LRCH1: variants seen among roughly 807,000 people sequenced by gnomAD.
LRCH1 encodes leucine rich repeats and calponin homology domain containing 1.
In LRCH1, 23 loss-of-function variants were observed where a neutral mutation model predicts 94.9. That is an observed-to-expected ratio of 0.24 (90% CI 0.17 to 0.34). The LOEUF (loss-of-function observed/expected upper bound fraction) is 0.34. Ranked by LOEUF, LRCH1 falls within the 10% of genes least tolerant of loss-of-function variation. The pLI, the probability that LRCH1 is intolerant of heterozygous loss-of-function variation, is 1.00. For missense variants in LRCH1, 790 were observed against 945.9 expected (o/e 0.84, Z 2.16); for synonymous variants, 364 against 354.9 (o/e 1.03, Z -0.29).
intron 5 of LRCH1, among the ~76,000 whole-genome samples, chr13:46,687,283 C>T (rs1258316580): frequency 6.6e-6 from 1 of 152,120 alleles, no homozygotes; most frequent in African/African-American, 2.4e-5. Context: ...TGAATGTTAG[C>T]TGGAAAATGG....
chr13:46,584,292 G>A (rs2050406522), intron 1 of LRCH1, among the ~76,000 whole-genome samples: 1 of 152,142 alleles, frequency 6.6e-6, no homozygotes, highest in South Asian at 2.1e-4. Flanking sequence ...TTTCACATGT[G>A]ATTTGAGAGC....
At chr13:46,752,562 T>G (rs1294640636) in exon 19 of LRCH1, 1 of 152,212 alleles carries the variant, frequency 6.6e-6, no homozygotes, top group Non-Finnish European at 1.5e-5. Flanking sequence ...AATACCTGTT[T>G]TGTCAAATAG....
chr13:46,644,706 C>G (rs2051199717), intron 1 of LRCH1, among the ~76,000 whole-genome samples: 1 of 152,310 alleles, frequency 6.6e-6, no homozygotes, highest in Middle Eastern at 3.4e-3. Context: ...TGAATTCTCA[C>G]TAACTCAGTG....
At chr13:46,732,073 CAA>C (rs1172503219) in intron 18 of LRCH1, among the ~76,000 whole-genome samples, 1 of 148,270 alleles carries the variant, frequency 6.7e-6, no homozygotes, top group Non-Finnish European at 1.5e-5. Context: ...TCTTTAGCAT[CAA>C]GTTTAGTATC....
At chr13:46,700,468 T>C (rs1871405268) in intron 10 of LRCH1, among the ~76,000 whole-genome samples, 1 of 152,170 alleles carries the variant, frequency 6.6e-6, no homozygotes, top group Non-Finnish European at 1.5e-5. Flanking sequence ...CAGAGAATCA[T>C]AGGGAAAGAG....
intron 17 of LRCH1, 28 bp downstream of exon 17, chr13:46,723,358 G>A: frequency 6.9e-7 from 1 of 1,446,880 alleles, no homozygotes; most frequent in Non-Finnish European, 9.7e-7. Context: ...TGTAACTAAA[G>A]GAGAATTTAA....
intron 16 of LRCH1, among the ~76,000 whole-genome samples, chr13:46,717,849 C>G (rs781033226): frequency 2.0e-5 from 3 of 151,718 alleles, no homozygotes; most frequent in Non-Finnish European, 4.4e-5. Flanking sequence ...TTTTAAATTC[C>G]CCATTTCTCT....
chr13:46,728,741 C>T (rs777533207), intron 17 of LRCH1, 106 bp from the exon 18 acceptor site: 18 of 1,047,656 alleles, frequency 1.7e-5, no homozygotes, highest in Middle Eastern at 2.2e-4. Context: ...ATCCTTATTT[C>T]CTATGATGAA....
At chr13:46,730,361 A>G (rs765835814) in intron 18 of LRCH1, among the ~76,000 whole-genome samples, 29 of 152,106 alleles carry the variant, frequency 1.9e-4, no homozygotes, top group Non-Finnish European at 4.0e-4. Context: ...CAAGTTTTGG[A>G]AATTTGGAGC....
chr13:46,712,233 T>TGC (rs1196211417), intron 14 of LRCH1, among the ~76,000 whole-genome samples: 1 of 152,190 alleles, frequency 6.6e-6, no homozygotes, highest in Non-Finnish European at 1.5e-5. Context: ...TGTGTGTGTG[T>TGC]GCATGCACCC....
At chr13:46,723,128 T>G in intron 16 of LRCH1, 93 bp from the exon 17 acceptor site, 1 of 633,520 alleles carries the variant, frequency 1.6e-6, no homozygotes, top group African/African-American at 1.9e-5. Flanking sequence ...AATGAATTAT[T>G]TTGGACAAAT....
At chr13:46,675,341 G>T (rs1357555693) in intron 3 of LRCH1, among the ~76,000 whole-genome samples, 1 of 151,564 alleles carries the variant, frequency 6.6e-6, no homozygotes, top group East Asian at 2.0e-4. Context: ...ACATGTTGTG[G>T]TCCAGAGATG....
chr13:46,596,439 C>G (rs2050563997), intron 1 of LRCH1, among the ~76,000 whole-genome samples: 1 of 152,202 alleles, frequency 6.6e-6, no homozygotes, highest in Admixed American at 6.5e-5. Flanking sequence ...TGCAGTATGT[C>G]TGTCAGATGT....
At chr13:46,572,431 T>C (rs529036491) in intron 1 of LRCH1, among the ~76,000 whole-genome samples, 2 of 152,198 alleles carry the variant, frequency 1.3e-5, no homozygotes, top group Non-Finnish European at 2.9e-5. Context: ...TGTCAGCTTT[T>C]AGTAAAAGAT....
chr13:46,680,244 G>A (rs2051733303), intron 3 of LRCH1: 1 of 152,174 alleles, frequency 6.6e-6, no homozygotes, highest in Non-Finnish European at 1.5e-5. Flanking sequence ...GTATTATGGA[G>A]TGTCACTGTA....
chr13:46,636,363 C>T lies in LRCH1; in HGVS notation c.308-13838C>T, dbSNP rs190041603. On this transcript the variant is annotated intron_variant, in intron 1 of 19. Coordinates refer to ENST00000389797, the MANE Select transcript of LRCH1 (RefSeq NM_001164211.2). ...CCAGGATTACAGGCATGAGCCACTG[C>T]GCCTGGCCCATCTCAACCATTCTTA... Among the ~76,000 whole-genome samples the T allele has an allele frequency of 2.3e-3, 343 of 152,242 alleles. 2 individuals carry two copies. Among genetic ancestry groups the T allele is most frequent in the Middle Eastern group, 3.4e-3 (1 of 294 alleles).
chr13:46,652,275 A>G (rs1200466738), intron 2 of LRCH1, among the ~76,000 whole-genome samples: 1 of 151,638 alleles, frequency 6.6e-6, no homozygotes, highest in African/African-American at 2.4e-5. Flanking sequence ...GCGGGGTTTC[A>G]CCATGTTAGC....
intron 13 of LRCH1, chr13:46,705,541 G>T: frequency 5.2e-6 from 3 of 573,952 alleles, no homozygotes; most frequent in Admixed American, 2.7e-5. Flanking sequence ...ATTAGATTCT[G>T]TAGATTTTTT....
rs1312053528 is a variant in LRCH1, at chr13:46,600,822, C to T, written c.307+47119C>T. Among the ~76,000 whole-genome samples the T allele has an allele frequency of 2.0e-5, 3 of 152,334 alleles. 1 individual carries two copies. Among genetic ancestry groups the T allele is most frequent in the South Asian group, 4.1e-4 (2 of 4,822 alleles). On this transcript the variant is annotated intron_variant, in intron 1 of 19. Transcript: ENST00000389797. ...GAGCACTGGTGTCACAGAACTTTGTCGTTCATGCTCTTTAGCAACAGTCAG... is the reference window on the plus strand; with the variant it reads ...GAGCACTGGTGTCACAGAACTTTGTTGTTCATGCTCTTTAGCAACAGTCAG...
Sources: gnomAD v4.1 joint callset for allele counts (sites outside exome capture counted in the v4.1 genomes callset) on GRCh38, gnomAD v4.1.1 for gene constraint, MANE v1.5 for transcripts, NCBI Gene and HGNC (gene_info 2026-07-23, HGNC 2026-07-21) for gene names.